Variants in SDK1 observed in about 807,000 individuals in gnomAD.
SDK1 encodes protein sidekick-1.
In SDK1, 157 loss-of-function variants were observed where a neutral mutation model predicts 245.5. The ratio of observed to expected loss-of-function variants is 0.64; its 90% confidence interval spans 0.56 to 0.73. The LOEUF is 0.73. Among genes scored for constraint, SDK1 ranks in the 30% least tolerant of loss-of-function variants. The probability of loss-of-function intolerance (pLI) is 0.00; values close to 1 mark genes in which losing one functional copy is unlikely to be tolerated. For synonymous variants in SDK1, 1,647 were observed against 1,278.5 expected (o/e 1.29, Z -6.15); for missense variants, 3,583 against 3,002.3 (o/e 1.19, Z -4.52).
At chr7:3,735,493 C>T (rs1446052278) in intron 4 of SDK1, among the ~76,000 whole-genome samples, 1 of 152,184 alleles carries the variant, frequency 6.6e-6, no homozygotes, top group Non-Finnish European at 1.5e-5. Flanking sequence ...TAGCGTGTGT[C>T]AGAACTTCCC....
At chr7:3,983,324 G>A (rs571151297) in intron 13 of SDK1, among the ~76,000 whole-genome samples, 1 of 152,074 alleles carries the variant, frequency 6.6e-6, no homozygotes, top group African/African-American at 2.4e-5. Flanking sequence ...CCGTTGATGC[G>A]CCAGGCTTCA....
chr7:4,141,351 A>C (rs1779572127), intron 28 of SDK1, among the ~76,000 whole-genome samples: 1 of 152,236 alleles, frequency 6.6e-6, no homozygotes. Flanking sequence ...TGTGATCCAC[A>C]AGGAGTGCCT....
At chr7:4,045,394 C>T (rs1788946696) in intron 17 of SDK1, among the ~76,000 whole-genome samples, 1 of 152,124 alleles carries the variant, frequency 6.6e-6, no homozygotes, top group South Asian at 2.1e-4. Context: ...AGGTGTGTGC[C>T]ATCATGCCCA....
intron 13 of SDK1, among the ~76,000 whole-genome samples, chr7:3,978,466 T>G (rs1175522997): frequency 6.6e-6 from 1 of 152,220 alleles, no homozygotes; most frequent in Non-Finnish European, 1.5e-5. Context: ...AAATTTGTGA[T>G]TCAAACTAAT....
intron 5 of SDK1, among the ~76,000 whole-genome samples, chr7:3,920,994 G>T (rs1338955348): frequency 6.6e-6 from 1 of 152,150 alleles, no homozygotes; most frequent in Non-Finnish European, 1.5e-5. Context: ...ATAAACTATA[G>T]ATCAAGTTTG....
intron 5 of SDK1, among the ~76,000 whole-genome samples, chr7:3,936,524 G>T (rs959936399): frequency 3.2e-4 from 49 of 151,540 alleles, no homozygotes; most frequent in African/African-American, 1.1e-3. Flanking sequence ...GGTGGAGGTT[G>T]CAATGACCCT....
rs747815503 is a variant in SDK1, at chr7:4,245,657, G to A, written c.6252-19G>A. On this transcript the variant is annotated intron_variant, in intron 43 of 44. Transcript: ENST00000404826. ...GTCTTTTGCCCAGAGGGTAATTGCA[G>A]CATGGGTCCTCATCCTAGGTCCCCA... 1.2e-6 allele frequency: 2 copies of A among 1,612,600 alleles called. No homozygotes were observed. Among genetic ancestry groups the A allele is most frequent in the East Asian group, 2.2e-5 (1 of 44,818 alleles).
At chr7:3,740,684 G>T (rs1470334915) in intron 4 of SDK1, among the ~76,000 whole-genome samples, 3 of 152,086 alleles carry the variant, frequency 2.0e-5, no homozygotes, top group Non-Finnish European at 4.4e-5. Context: ...AAGGGGTATG[G>T]GAATAGGGCA....
intron 1 of SDK1, among the ~76,000 whole-genome samples, chr7:3,385,532 A>G (rs189422660): frequency 6.6e-6 from 1 of 152,162 alleles, no homozygotes; most frequent in Admixed American, 6.5e-5. Context: ...ATCTTCCTGG[A>G]TTAGCCTCAG....
chr7:3,536,772 C>G (rs1020210792), intron 1 of SDK1, among the ~76,000 whole-genome samples: 3 of 151,726 alleles, frequency 2.0e-5, no homozygotes, highest in Non-Finnish European at 2.9e-5. Context: ...GTTAACAATA[C>G]TTGTATTCGT....
intron 22 of SDK1, among the ~76,000 whole-genome samples, chr7:4,099,392 T>C (rs1204012934): frequency 7.1e-6 from 1 of 140,140 alleles, no homozygotes; most frequent in Non-Finnish European, 1.5e-5. Flanking sequence ...AGGAGGGGAC[T>C]GTGGCAGGAG....
chr7:4,233,086 G>A (rs1365157842), intron 40 of SDK1, 169 bp from the exon 41 acceptor site: 5 of 598,652 alleles, frequency 8.4e-6, no homozygotes, highest in South Asian at 4.2e-5. Flanking sequence ...AACGCTCTTC[G>A]ACTTGCGAAA....
intron 1 of SDK1, among the ~76,000 whole-genome samples, chr7:3,365,826 C>T (rs1781073255): frequency 2.0e-5 from 1 of 49,598 alleles, no homozygotes; most frequent in Admixed American, 3.0e-4. Context: ...TGAGGTCAGT[C>T]AGGAGTTTGA....
At chr7:4,049,682 CAGTG>C (rs1789294971) in intron 18 of SDK1, among the ~76,000 whole-genome samples, 2 of 152,200 alleles carry the variant, frequency 1.3e-5, no homozygotes, top group Admixed American at 1.3e-4. Context: ...GTTCATACAT[CAGTG>C]AGCAATTTCT....
rs545627872 is a variant in SDK1 at position 4,093,676 on chromosome 7, C to T, written c.3324+14092C>T. Among the ~76,000 whole-genome samples, 219 of 152,268 alleles carry T rather than the reference C, an allele frequency of 1.4e-3. 1 individual carries two copies. The highest frequency in any genetic ancestry group is 5.1e-3 in the African/African-American group (213 of 41,574). Reference sequence around the variant, plus strand: ...TTAGAGACGCCGAGGCTGCCGGCGGCGTCGACAGCGACAGCGTTTGGAATG... The same window carrying T: ...TTAGAGACGCCGAGGCTGCCGGCGGTGTCGACAGCGACAGCGTTTGGAATG... On this transcript the variant is annotated intron_variant, in intron 22 of 44. Transcript: ENST00000404826.
intron 5 of SDK1, among the ~76,000 whole-genome samples, chr7:3,862,938 G>A (rs1414765672): frequency 6.6e-6 from 1 of 151,340 alleles, no homozygotes; most frequent in African/African-American, 2.5e-5. Flanking sequence ...GCTCCTATGG[G>A]AATCCAGTGC....
At chr7:4,234,319 G>C (rs1786007322) in intron 41 of SDK1, among the ~76,000 whole-genome samples, 1 of 152,180 alleles carries the variant, frequency 6.6e-6, no homozygotes, top group East Asian at 1.9e-4. Flanking sequence ...TCCAGGTCCA[G>C]GTCTGCTCTC....
At chr7:3,629,583 C>G (rs892980524) in intron 2 of SDK1, among the ~76,000 whole-genome samples, 2 of 152,188 alleles carry the variant, frequency 1.3e-5, no homozygotes, top group Non-Finnish European at 2.9e-5. Context: ...TGTCTTGGGT[C>G]AGGAGAATGA....
intron 1 of SDK1, among the ~76,000 whole-genome samples, chr7:3,518,995 A>G (rs532821330): frequency 6.6e-6 from 1 of 152,276 alleles, no homozygotes; most frequent in African/African-American, 2.4e-5. Flanking sequence ...GTCATTTGAG[A>G]CAACAGGGAT....
Sources: allele counts gnomAD v4.1 joint callset (sites outside exome capture counted in the v4.1 genomes callset), GRCh38; gene constraint gnomAD v4.1.1; transcripts MANE v1.5; gene names NCBI Gene and HGNC (gene_info 2026-07-23, HGNC 2026-07-21).